Variants in FSTL4 observed in about 807,000 individuals in gnomAD.
The protein encoded by FSTL4 is follistatin like 4.
Under a neutral mutation model 78.2 loss-of-function variants are expected in FSTL4, and 28 were observed. That is an observed-to-expected ratio of 0.36 (90% CI 0.27 to 0.49). The LOEUF is 0.49. Among genes scored for constraint, FSTL4 ranks in the 20% least tolerant of loss-of-function variants. FSTL4 has a pLI of 0.98. For synonymous variants in FSTL4, 422 were observed against 440.5 expected (o/e 0.96, Z 0.53); for missense variants, 922 against 1,084.9 (o/e 0.85, Z 2.11).
At chr5:133,575,129 G>A (rs996175024) in intron 2 of FSTL4, 1 of 151,910 alleles carries the variant, frequency 6.6e-6, no homozygotes, top group Non-Finnish European at 1.5e-5. Context: ...TTAAATAGAG[G>A]GAACAAACCC....
chr5:133,308,795 G>A (rs988322549), intron 6 of FSTL4, among the ~76,000 whole-genome samples: 2 of 152,124 alleles, frequency 1.3e-5, no homozygotes, highest in African/African-American at 2.4e-5. Context: ...TGTCAGAGGT[G>A]AGGAAGGGTG....
At chr5:133,497,891 T>C (rs1279307055) in intron 3 of FSTL4, among the ~76,000 whole-genome samples, 1 of 152,088 alleles carries the variant, frequency 6.6e-6, no homozygotes, top group African/African-American at 2.4e-5. Flanking sequence ...CATGAAAGAT[T>C]TTATCTAGAA....
At chr5:133,672,860 A>G in the FSTL4 span, among the ~76,000 whole-genome samples, 1 of 152,224 alleles carries the variant, frequency 6.6e-6, no homozygotes, top group African/African-American at 2.4e-5. Flanking sequence ...AAGGTTGACT[A>G]TGCACCCATG....
At chr5:133,687,173 C>T in the FSTL4 span, among the ~76,000 whole-genome samples, 3 of 151,888 alleles carry the variant, frequency 2.0e-5, no homozygotes, top group East Asian at 1.9e-4. Flanking sequence ...AGTGTGGACT[C>T]GATCCTGTGG....
the FSTL4 span, among the ~76,000 whole-genome samples, chr5:133,825,726 G>A: frequency 2.0e-5 from 3 of 152,176 alleles, no homozygotes; most frequent in East Asian, 3.8e-4. Context: ...GACTGGACTT[G>A]TGCCAGGGAG....
At chr5:133,769,459 G>A in the FSTL4 span, among the ~76,000 whole-genome samples, 18 of 152,284 alleles carry the variant, frequency 1.2e-4, no homozygotes, top group East Asian at 3.5e-3. Flanking sequence ...GCTCTGACAT[G>A]CTGGATATTT....
intron 6 of FSTL4, among the ~76,000 whole-genome samples, chr5:133,285,402 C>T: frequency 6.6e-6 from 1 of 152,202 alleles, no homozygotes. Context: ...TGCCAGCTGG[C>T]TGGGACCCTA....
In FSTL4 at chr5:133,367,894, A is replaced by G. The variant is rs190444713; in HGVS notation, c.409+32844T>C. 2.7e-3 allele frequency among the ~76,000 whole-genome samples: 415 copies of G among 152,368 alleles called. 4 individuals carry two copies. Among genetic ancestry groups the G allele is most frequent in the African/African-American group, 9.6e-3 (400 of 41,586 alleles). ...GAATAGAAACCTAACACAGTTTCAC[A>G]TTTCATTTGGCTGGAACTTTGTTCT... On this transcript the variant is annotated intron_variant, in intron 4 of 15. Coordinates refer to ENST00000265342, the MANE Select transcript of FSTL4 (RefSeq NM_015082.2).
At chr5:133,492,590 C>A (rs1019819372) in intron 3 of FSTL4, among the ~76,000 whole-genome samples, 1 of 152,250 alleles carries the variant, frequency 6.6e-6, no homozygotes, top group East Asian at 1.9e-4. Flanking sequence ...TGTTCCTTTG[C>A]AGAGAATCTT....
the FSTL4 span, among the ~76,000 whole-genome samples, chr5:133,778,355 T>C: frequency 1.3e-5 from 2 of 152,068 alleles, no homozygotes; most frequent in South Asian, 2.1e-4. Flanking sequence ...AAAAAAAATG[T>C]CCCTTGGGGA....
chr5:133,530,582 A>G (rs1445410911), intron 3 of FSTL4, among the ~76,000 whole-genome samples: 1 of 152,230 alleles, frequency 6.6e-6, no homozygotes, highest in African/African-American at 2.4e-5. Context: ...AGAAGATAAG[A>G]CACAGGCATA....
the FSTL4 span, among the ~76,000 whole-genome samples, chr5:133,644,482 T>C: frequency 6.6e-6 from 1 of 152,064 alleles, no homozygotes; most frequent in Non-Finnish European, 1.5e-5. Context: ...AGCATCTTCA[T>C]TCCCAGTGGC....
the FSTL4 span, among the ~76,000 whole-genome samples, chr5:133,731,908 T>C: frequency 2.6e-5 from 4 of 152,134 alleles, no homozygotes; most frequent in Non-Finnish European, 5.9e-5. Context: ...TCTCCCTTAT[T>C]CTAAGATTCT....
At position 133,314,183 on chromosome 5, in the gene FSTL4, G is replaced by A. The variant is rs1390314171; in HGVS notation, c.604-1406C>T. ...GCTCGGTAGTTTGAGGAATTGCCAG[G>A]TGGTTCTTCCTGCAAGTAGCTGTAA... is the stretch of plus-strand genomic sequence containing the variant. On this transcript the variant is annotated intron_variant, in intron 5 of 15. Coordinates refer to ENST00000265342, the MANE Select transcript of FSTL4 (RefSeq NM_015082.2). 3.3e-5 allele frequency among the ~76,000 whole-genome samples: 5 copies of A among 152,210 alleles called. No homozygotes were observed. In the East Asian group the frequency reaches 7.7e-4, roughly 23 times the overall value.
chr5:133,826,399 T>C, the FSTL4 span, among the ~76,000 whole-genome samples: 5 of 152,298 alleles, frequency 3.3e-5, no homozygotes, highest in African/African-American at 1.2e-4. Context: ...GAAATGATTC[T>C]CCCACAGTTC....
chr5:133,251,893 C>A (rs1428849947), intron 6 of FSTL4, among the ~76,000 whole-genome samples: 1 of 152,154 alleles, frequency 6.6e-6, no homozygotes, highest in Non-Finnish European at 1.5e-5. Context: ...GGGGGAATAT[C>A]CTGACCCGCG....
chr5:133,554,382 A>G (rs779801995), intron 3 of FSTL4, among the ~76,000 whole-genome samples: 6 of 152,204 alleles, frequency 3.9e-5, no homozygotes, highest in Non-Finnish European at 5.9e-5. Context: ...TCTCTGATCC[A>G]TGACACTCGC....
intron 3 of FSTL4, among the ~76,000 whole-genome samples, chr5:133,525,014 C>G (rs537785000): frequency 1.3e-5 from 2 of 152,298 alleles, no homozygotes; most frequent in African/African-American, 4.8e-5. Flanking sequence ...ATCAGAAAGT[C>G]CTCTGAAACT....
chr5:133,231,081 C>T (rs1434049187), intron 8 of FSTL4, among the ~76,000 whole-genome samples: 1 of 152,034 alleles, frequency 6.6e-6, no homozygotes, highest in African/African-American at 2.4e-5. Context: ...CACCCCAGCT[C>T]GGACATAGCT....
Sources: gnomAD v4.1 joint callset for allele counts (sites outside exome capture counted in the v4.1 genomes callset) on GRCh38, gnomAD v4.1.1 for gene constraint, MANE v1.5 for transcripts, NCBI Gene and HGNC (gene_info 2026-07-23, HGNC 2026-07-21) for gene names.